Variants in SLCO1B3 observed in about 807,000 individuals in gnomAD.
SLCO1B3 encodes liver-specific organic anion transporter 2.
SLCO1B3 carries 72 observed loss-of-function variants against 71.8 expected under a neutral mutation model. The observed-to-expected ratio is 1.00, with a 90% CI of 0.83 to 1.22. The LOEUF (loss-of-function observed/expected upper bound fraction) is 1.22. SLCO1B3 is among the 50% of genes most tolerant of loss of function. The pLI is 0.00. For synonymous variants in SLCO1B3, 298 were observed against 278.4 expected, an observed-to-expected ratio of 1.07 and a Z score of -0.70; for missense variants, 911 against 819.7, an observed-to-expected ratio of 1.11 and a Z score of -1.36.
chr12:20,894,714 T>C (rs901213468), intron 13 of SLCO1B3, among the ~76,000 whole-genome samples: 4 of 152,208 alleles, frequency 2.6e-5, no homozygotes, highest in Non-Finnish European at 5.9e-5. Flanking sequence ...AAATCTGATA[T>C]TTGAGAGTAA....
chr12:20,852,676 CTAAG>C (rs1040980531), intron 3 of SLCO1B3, among the ~76,000 whole-genome samples: 2 of 151,814 alleles, frequency 1.3e-5, no homozygotes, highest in Non-Finnish European at 1.5e-5. Flanking sequence ...AAGTTTATTC[CTAAG>C]TGTTTTATCT....
At chr12:20,870,683 A>G (rs1865459152) in intron 8 of SLCO1B3, among the ~76,000 whole-genome samples, 1 of 152,254 alleles carries the variant, frequency 6.6e-6, no homozygotes, top group South Asian at 2.1e-4. Context: ...TGGTCTACAT[A>G]TCTATCTTTA....
chr12:20,911,947 T>C (rs972077457), intron 15 of SLCO1B3, among the ~76,000 whole-genome samples: 24 of 152,190 alleles, frequency 1.6e-4, no homozygotes, highest in Non-Finnish European at 3.1e-4. Context: ...CTACTTTTAC[T>C]ATTATCTTCG....
chr12:20,863,138 G>T (rs986229646), intron 8 of SLCO1B3, among the ~76,000 whole-genome samples: 9 of 152,070 alleles, frequency 5.9e-5, no homozygotes, highest in Non-Finnish European at 1.2e-4. Context: ...AAACTGACTG[G>T]CCCAGTCAAG....
chr12:20,872,788 G>A (rs1054571467), intron 8 of SLCO1B3, among the ~76,000 whole-genome samples: 1 of 152,044 alleles, frequency 6.6e-6, no homozygotes, highest in Non-Finnish European at 1.5e-5. Flanking sequence ...GGCTGAGCTG[G>A]TATTAGAAAA....
intron 8 of SLCO1B3, among the ~76,000 whole-genome samples, chr12:20,867,163 G>T (rs190473583): frequency 1.1e-3 from 169 of 152,196 alleles, no homozygotes; most frequent in Non-Finnish European, 1.9e-3. Context: ...CCCTCTAGAT[G>T]TGGGGTCCTA....
At chr12:20,855,564 G>A (rs7303743) in intron 4 of SLCO1B3, among the ~76,000 whole-genome samples, 1 of 151,666 alleles carries the variant, frequency 6.6e-6, no homozygotes, top group African/African-American at 2.4e-5. Context: ...GAGGGAGGAC[G>A]ATAATTCTTA....
chr12:20,864,924 A>G (rs1186920906), intron 8 of SLCO1B3, among the ~76,000 whole-genome samples: 1 of 151,558 alleles, frequency 6.6e-6, no homozygotes, highest in African/African-American at 2.4e-5. Flanking sequence ...TTGGTGCACT[A>G]CTCTCCCCAT....
At chr12:20,868,061 T>C (rs560503241) in intron 8 of SLCO1B3, among the ~76,000 whole-genome samples, 1 of 152,312 alleles carries the variant, frequency 6.6e-6, no homozygotes, top group South Asian at 2.1e-4. Context: ...TGTGATTTTC[T>C]AAATGTCATT....
intron 8 of SLCO1B3, among the ~76,000 whole-genome samples, chr12:20,863,678 T>C (rs888832302): frequency 3.1e-4 from 47 of 152,256 alleles, no homozygotes; most frequent in African/African-American, 1.1e-3. Context: ...CCCATCTATG[T>C]ACACATACAC....
chr12:20,840,180 C>G (rs1864765627), intron 3 of SLCO1B3, among the ~76,000 whole-genome samples: 1 of 152,104 alleles, frequency 6.6e-6, no homozygotes, highest in Admixed American at 6.5e-5. Context: ...TCTGTCTCTT[C>G]TAATTGTGTT....
chr12:20,873,977 G>A (rs889305325), intron 8 of SLCO1B3, among the ~76,000 whole-genome samples: 8 of 152,144 alleles, frequency 5.3e-5, no homozygotes, highest in Non-Finnish European at 1.5e-5. Context: ...TGGTGTATAT[G>A]TACCACATTT....
In SLCO1B3 at chr12:20,916,054, T is replaced by G; in HGVS notation, c.1916T>G (p.Leu639Ter). The G allele has an allele frequency of 6.2e-7, 1 of 1,610,886 alleles. No individual in the cohort carries two copies. The highest frequency in any genetic ancestry group is 8.5e-7 in the Non-Finnish European group (1 of 1,177,300). The change falls in exon 16 of 16, where the codon TTA becomes TGA. Residue 639 changes from leucine (L) to a stop codon, truncating the protein, a stop_gained. Transcript: ENST00000381545. LOFTEE classifies it high-confidence loss of function. ...SIALRFPALV[L>*]YIVFIFAMKK... ...GCTTTAAGATTCCCAGCACTTGTTTTATATATTGTTTTCATTTTTGCTATG... is the reference window on the plus strand; with the variant it reads ...GCTTTAAGATTCCCAGCACTTGTTTGATATATTGTTTTCATTTTTGCTATG...
intron 13 of SLCO1B3, among the ~76,000 whole-genome samples, chr12:20,895,273 G>A (rs71446733): frequency 0.16 from 24,426 of 151,974 alleles, 2,095 homozygotes; most frequent in African/African-American, 0.19. Context: ...ACTAATTTCA[G>A]CATTAACCCA....
intron 14 of SLCO1B3, among the ~76,000 whole-genome samples, chr12:20,899,830 C>A (rs187014315): frequency 1.3e-5 from 2 of 152,278 alleles, no homozygotes; most frequent in Non-Finnish European, 2.9e-5. Context: ...TAATTGTGAA[C>A]ATCCAATTTT....
At chr12:20,853,624 T>C in intron 3 of SLCO1B3, among the ~76,000 whole-genome samples, 1 of 152,016 alleles carries the variant, frequency 6.6e-6, no homozygotes, top group Non-Finnish European at 1.5e-5. Context: ...CTCTCTCTTT[T>C]TTATTTTAGC....
intron 8 of SLCO1B3, among the ~76,000 whole-genome samples, chr12:20,865,114 A>AG (rs1480482624): frequency 6.6e-6 from 1 of 152,094 alleles, no homozygotes; most frequent in East Asian, 1.9e-4. Flanking sequence ...AGCAGGACAT[A>AG]TCTAGCTTGG....
chr12:20,883,513 A>G lies in SLCO1B3; in HGVS notation c.1593A>G (p.Thr531=), dbSNP rs142694767. 1,993 of 1,605,412 alleles carry G rather than the reference A, an allele frequency of 1.2e-3. 9 individuals carry two copies. The highest frequency in any genetic ancestry group is 1.6e-3 in the Non-Finnish European group (1,856 of 1,176,418). Residue 531 remains threonine (T), a synonymous_variant, in exon 13 of 16, where the codon ACA becomes ACG. Transcript: ENST00000381545. ...AATGCCCAAGAGATAATACTTGTACAAGGAAATTTTTCATCTATGTTGCAA... is the reference window on the plus strand; with the variant it reads ...AATGCCCAAGAGATAATACTTGTACGAGGAAATTTTTCATCTATGTTGCAA... ...LGECPRDNTC[T]RKFFIYVAIQ...
At chr12:20,822,073 G>T (rs898936013) in intron 3 of SLCO1B3, among the ~76,000 whole-genome samples, 3 of 152,202 alleles carry the variant, frequency 2.0e-5, no homozygotes, top group African/African-American at 7.2e-5. Flanking sequence ...TCTTGGGCTG[G>T]TCGGTCTGAG....
Sources: gnomAD v4.1 joint callset for allele counts (sites outside exome capture counted in the v4.1 genomes callset) on GRCh38, gnomAD v4.1.1 for gene constraint, MANE v1.5 for transcripts, NCBI Gene and HGNC (gene_info 2026-07-23, HGNC 2026-07-21) for gene names.